Variants in MPHOSPH9 observed in about 807,000 individuals in gnomAD.
MPHOSPH9 encodes M-phase phosphoprotein 9.
MPHOSPH9 carries 88 observed loss-of-function variants against 145.5 expected under a neutral mutation model. The ratio of observed to expected loss-of-function variants is 0.60; its 90% CI spans 0.51 to 0.72. MPHOSPH9 has a LOEUF of 0.72. Ranked by LOEUF, MPHOSPH9 falls within the 30% of genes least tolerant of loss-of-function variation. The probability of loss-of-function intolerance (pLI) is 0.00; values close to 1 mark genes in which losing one functional copy is unlikely to be tolerated. For synonymous variants in MPHOSPH9, 435 were observed against 486.2 expected, an observed-to-expected ratio of 0.89 and a Z score of 1.39; for missense variants, 1,238 against 1,386.6, an observed-to-expected ratio of 0.89 and a Z score of 1.70.
intron 8 of MPHOSPH9, among the ~76,000 whole-genome samples, chr12:123,208,313 C>G (rs576225297): frequency 6.6e-6 from 1 of 151,488 alleles, no homozygotes; most frequent in Non-Finnish European, 1.5e-5. Context: ...CCAAGGCAAG[C>G]AAATCACGAG....
chr12:123,242,541 A>AGTAG (rs2047957269), intron 1 of MPHOSPH9, among the ~76,000 whole-genome samples: 1 of 152,054 alleles, frequency 6.6e-6, no homozygotes. Flanking sequence ...CAGTCATTGG[A>AGTAG]GTAGGGCCAA....
chr12:123,241,883 C>T (rs142957652), intron 1 of MPHOSPH9, among the ~76,000 whole-genome samples: 70 of 152,260 alleles, frequency 4.6e-4, no homozygotes, highest in East Asian at 2.9e-3. Flanking sequence ...TCATGAAGAA[C>T]GCCACTCAGT....
At chr12:123,152,866 T>C (rs1048554228), downstream of MPHOSPH9, 3 of 168,632 alleles carry the variant, frequency 1.8e-5, no homozygotes, top group African/African-American at 7.2e-5. Flanking sequence ...CAGGTGTGCA[T>C]TTATTTTTTA....
At chr12:123,169,453 T>C (rs2044478960) in intron 16 of MPHOSPH9, among the ~76,000 whole-genome samples, 1 of 151,098 alleles carries the variant, frequency 6.6e-6, no homozygotes, top group Non-Finnish European at 1.5e-5. Flanking sequence ...GAGCCGAGAT[T>C]GCACCACTGC....
intron 5 of MPHOSPH9, among the ~76,000 whole-genome samples, chr12:123,218,893 TTTTG>T (rs147246031): frequency 0.59 from 89,328 of 150,452 alleles, 30,726 homozygotes; most frequent in Non-Finnish European, 0.75. Flanking sequence ...TGTGTGTGGT[TTTTG>T]TTTGTTTGTT....
intron 16 of MPHOSPH9, 53 bp from the exon 17 acceptor site, chr12:123,166,842 C>A (rs906666019): frequency 7.7e-6 from 12 of 1,564,878 alleles, no homozygotes; most frequent in Non-Finnish European, 1.0e-5. Context: ...TCATTTCAGA[C>A]TGCATGTGCA....
At chr12:123,191,177 C>T (rs906297539) in intron 13 of MPHOSPH9, among the ~76,000 whole-genome samples, 2 of 151,904 alleles carry the variant, frequency 1.3e-5, no homozygotes, top group African/African-American at 4.8e-5. Context: ...CAAAATTAGC[C>T]GGGCATGGTG....
At chr12:123,231,699 A>AAAAAAT (rs1312471404) in intron 1 of MPHOSPH9, among the ~76,000 whole-genome samples, 5 of 152,016 alleles carry the variant, frequency 3.3e-5, no homozygotes, top group Non-Finnish European at 7.4e-5. Context: ...CCCATCTCTT[A>AAAAAAT]AAAAATAAAA....
At chr12:123,193,029 G>A (rs1481234178) in intron 13 of MPHOSPH9, among the ~76,000 whole-genome samples, 7 of 129,674 alleles carry the variant, frequency 5.4e-5, no homozygotes, top group Admixed American at 5.3e-4. Context: ...CCAAAATCAC[G>A]CCACTGCACT....
intron 8 of MPHOSPH9, 100 bp from the exon 9 acceptor site, chr12:123,203,475 C>T: frequency 1.8e-6 from 2 of 1,099,972 alleles, no homozygotes; most frequent in Non-Finnish European, 1.3e-6. Flanking sequence ...AGACTTTAAG[C>T]AAATTGAAAA....
chr12:123,203,115 C>T (rs1467273568), intron 9 of MPHOSPH9, 31 bp from the exon 10 acceptor site: 1 of 1,596,412 alleles, frequency 6.3e-7, no homozygotes, highest in Non-Finnish European at 8.5e-7. Flanking sequence ...AAGTCTTACC[C>T]TCAGAACTCG....
rs35393288 is a variant in MPHOSPH9, at chr12:123,193,823, GT to G, written c.2241+562del. On this transcript the variant is annotated intron_variant, in intron 13 of 23. Coordinates refer to ENST00000606320, the MANE Select transcript of MPHOSPH9 (RefSeq NM_022782.4). Reference sequence around the variant, plus strand: ...TGAAAGTTGACCTGATGCAGACACAGTTTTTTTTTTTTTTTTAAGTTGACCT... The same window carrying G: ...TGAAAGTTGACCTGATGCAGACACAGTTTTTTTTTTTTTTTAAGTTGACCT... Among the ~76,000 whole-genome samples, 222 of 146,376 alleles carry G rather than the reference GT, an allele frequency of 1.5e-3. 1 individual carries two copies. Among genetic ancestry groups the G allele is most frequent in the African/African-American group, 4.6e-3 (181 of 39,326 alleles).
chr12:123,223,534 G>T (rs1035529083), intron 3 of MPHOSPH9, among the ~76,000 whole-genome samples: 3 of 152,042 alleles, frequency 2.0e-5, no homozygotes, highest in African/African-American at 7.2e-5. Context: ...CCTGCCTCAC[G>T]GGCATCCTCT....
upstream of MPHOSPH9, among the ~76,000 whole-genome samples, chr12:123,236,564 A>G (rs2138740207): frequency 6.6e-6 from 1 of 151,904 alleles, no homozygotes; most frequent in Non-Finnish European, 1.5e-5. Context: ...ACTGCACTCC[A>G]CTTGGGTGAC....
chr12:123,235,412 G>A (rs2047829865), upstream of MPHOSPH9, among the ~76,000 whole-genome samples: 1 of 152,006 alleles, frequency 6.6e-6, no homozygotes, highest in Non-Finnish European at 1.5e-5. Context: ...TGAGTTTTGT[G>A]TGTGTGTGTG....
chr12:123,204,411 G>A (rs1313993285), intron 8 of MPHOSPH9, among the ~76,000 whole-genome samples: 1 of 152,098 alleles, frequency 6.6e-6, no homozygotes, highest in African/African-American at 2.4e-5. Context: ...CCAAGAGCTG[G>A]AGTTCCTTAT....
chr12:123,180,822 G>A (rs914212041), intron 14 of MPHOSPH9, among the ~76,000 whole-genome samples: 8 of 151,216 alleles, frequency 5.3e-5, no homozygotes, highest in Non-Finnish European at 4.4e-5. Context: ...GTGGTGAGCC[G>A]AGATCACACC....
intron 11 of MPHOSPH9, among the ~76,000 whole-genome samples, chr12:123,199,152 G>A (rs960730300): frequency 1.3e-5 from 2 of 151,918 alleles, no homozygotes; most frequent in Non-Finnish European, 2.9e-5. Flanking sequence ...ACCACACACA[G>A]CTAATTTGAT....
At chr12:123,193,361 G>A (rs2045796278) in intron 13 of MPHOSPH9, among the ~76,000 whole-genome samples, 1 of 152,114 alleles carries the variant, frequency 6.6e-6, no homozygotes, top group Non-Finnish European at 1.5e-5. Flanking sequence ...TCTAGGGTAG[G>A]ATACTAAAAG....
Sources: allele counts gnomAD v4.1 joint callset (sites outside exome capture counted in the v4.1 genomes callset), GRCh38; gene constraint gnomAD v4.1.1; transcripts MANE v1.5; gene names NCBI Gene and HGNC (gene_info 2026-07-23, HGNC 2026-07-21).